The following DIAPH2 variants were observed in gnomAD, a reference collection of about 807,000 sequenced individuals.
DIAPH2 encodes diaphanous related formin 2.
DIAPH2 carries 35 observed loss-of-function variants against 92.7 expected under a neutral mutation model. The ratio of observed to expected loss-of-function variants is 0.38; its 90% CI spans 0.29 to 0.50. The LOEUF (loss-of-function observed/expected upper bound fraction) is 0.50, where lower values mean the gene tolerates loss of function less well. Ranked by LOEUF, DIAPH2 falls within the 20% of genes least tolerant of loss-of-function variation. The probability of loss-of-function intolerance (pLI) is 0.94; values close to 1 mark genes in which losing one functional copy is unlikely to be tolerated. For missense variants in DIAPH2, 701 were observed against 819.5 expected, an observed-to-expected ratio of 0.86 and a Z score of 1.77; for synonymous variants, 301 against 280.4, an observed-to-expected ratio of 1.07 and a Z score of -0.73.
chrX:97,276,442 A>G (rs1334050596), intron 23 of DIAPH2, among the ~76,000 whole-genome samples: 1 of 112,148 alleles, frequency 8.9e-6, no homozygotes, highest in Non-Finnish European at 1.9e-5. Flanking sequence ...CCTTACATAA[A>G]TAAGGAAGAC....
At chrX:97,388,070 G>A (rs1319565136) in intron 25 of DIAPH2, among the ~76,000 whole-genome samples, 2 of 111,401 alleles carry the variant, frequency 1.8e-5, no homozygotes, top group Non-Finnish European at 3.8e-5. Flanking sequence ...GCTGCCATAA[G>A]AAAATGCCAC....
At chrX:96,897,739 T>A (rs1020396896) in intron 5 of DIAPH2, among the ~76,000 whole-genome samples, 1 of 107,489 alleles carries the variant, frequency 9.3e-6, no homozygotes, top group Non-Finnish European at 1.9e-5. Flanking sequence ...TTTATTATTA[T>A]TATACTTTAA....
At chrX:97,227,193 T>G (rs2067972046) in intron 22 of DIAPH2, among the ~76,000 whole-genome samples, 1 of 110,844 alleles carries the variant, frequency 9.0e-6, no homozygotes, top group Non-Finnish European at 1.9e-5. Context: ...GAGAATTGCT[T>G]GAGCCGGGAG....
At chrX:97,073,696 A>C (rs956897287) in intron 18 of DIAPH2, among the ~76,000 whole-genome samples, 2 of 112,333 alleles carry the variant, frequency 1.8e-5, no homozygotes, top group African/African-American at 6.5e-5. Context: ...AACACTATGC[A>C]TCAGAGATTT....
intron 26 of DIAPH2, among the ~76,000 whole-genome samples, chrX:97,589,027 A>ATATATATATATATATATATATATAT (rs748240865): frequency 7.1e-5 from 6 of 85,105 alleles, no homozygotes; most frequent in Non-Finnish European, 9.3e-5. Flanking sequence ...ATATATATAT[A>ATATATATATATATATATATATATAT]AAAGAATCAG....
chrX:97,538,713 G>GT (rs1239274795), intron 26 of DIAPH2, among the ~76,000 whole-genome samples: 1 of 112,251 alleles, frequency 8.9e-6, no homozygotes, highest in Admixed American at 9.5e-5. Flanking sequence ...TTAATCAAGT[G>GT]TATCTGCTGC....
At chrX:97,529,416 C>A (rs2071045541) in intron 26 of DIAPH2, among the ~76,000 whole-genome samples, 1 of 111,892 alleles carries the variant, frequency 8.9e-6, no homozygotes, top group Non-Finnish European at 1.9e-5. Context: ...GCTGATGAAC[C>A]AACAATTATT....
chrX:97,072,880 G>A (rs1479758947), intron 17 of DIAPH2, 61 bp from the exon 18 acceptor site: 5 of 718,919 alleles, frequency 7.0e-6, no homozygotes, highest in Non-Finnish European at 1.0e-5. Context: ...CCTTACTAAT[G>A]TTATTCCGTG....
intron 4 of DIAPH2, among the ~76,000 whole-genome samples, chrX:96,773,757 C>T (rs1251104908): frequency 9.0e-6 from 1 of 110,955 alleles, no homozygotes; most frequent in African/African-American, 3.3e-5. Context: ...GGCTGGGGCA[C>T]GAGAATCACT....
rs766596381 is a variant in DIAPH2 at position 97,210,808 on chromosome X, C to T, written c.2720-36907C>T. On this transcript the variant is annotated intron_variant, in intron 22 of 26. Transcript: ENST00000324765. ...GCAATCTAGAGCTTCTGTAGATACC[C>T]GCTTCATTAAGCATGATCCCAAAAT... Among the ~76,000 whole-genome samples, 5 of 111,669 alleles carry T rather than the reference C, an allele frequency of 4.5e-5. No individual in the cohort carries two copies. The East Asian group carries it at 8.4e-4, about 19-fold the overall frequency.
intron 26 of DIAPH2, among the ~76,000 whole-genome samples, chrX:97,591,125 A>G (rs2071513872): frequency 8.9e-6 from 1 of 111,939 alleles, no homozygotes; most frequent in Admixed American, 9.5e-5. Context: ...CGAGAACTAG[A>G]ATTCCCTTTT....
At chrX:96,772,746 A>G (rs1218930551) in intron 4 of DIAPH2, among the ~76,000 whole-genome samples, 1 of 112,601 alleles carries the variant, frequency 8.9e-6, no homozygotes, top group Non-Finnish European at 1.9e-5. Flanking sequence ...CAAAGATATT[A>G]AAAGCATTTG....
chrX:97,314,028 C>A (rs2068819597), intron 23 of DIAPH2, among the ~76,000 whole-genome samples: 1 of 110,896 alleles, frequency 9.0e-6, no homozygotes, highest in Non-Finnish European at 1.9e-5. Flanking sequence ...ATCTCACTTA[C>A]TTTGAATGGC....
chrX:97,175,349 G>T (rs537182285), intron 22 of DIAPH2, among the ~76,000 whole-genome samples: 39 of 111,552 alleles, frequency 3.5e-4, no homozygotes, highest in African/African-American at 1.2e-3. Flanking sequence ...ACGATAGGTG[G>T]TGCCATAGTT....
At chrX:97,306,468 T>A (rs2068748013) in intron 23 of DIAPH2, among the ~76,000 whole-genome samples, 1 of 111,655 alleles carries the variant, frequency 9.0e-6, no homozygotes, top group Non-Finnish European at 1.9e-5. Context: ...AGACCTATCA[T>A]TACCATTCAG....
intron 4 of DIAPH2, among the ~76,000 whole-genome samples, chrX:96,849,349 A>G (rs920997639): frequency 2.7e-5 from 3 of 111,126 alleles, no homozygotes; most frequent in Non-Finnish European, 3.8e-5. Flanking sequence ...TATTTTTAGT[A>G]GAGATGGGGT....
chrX:97,166,102 T>TA (rs964734546), intron 22 of DIAPH2, among the ~76,000 whole-genome samples: 12 of 111,179 alleles, frequency 1.1e-4, no homozygotes, highest in East Asian at 2.8e-4. Flanking sequence ...GTTTTTTTCT[T>TA]AAAAAAAATA....
chrX:97,518,070 T>A (rs1030091715), intron 26 of DIAPH2, among the ~76,000 whole-genome samples: 3 of 112,128 alleles, frequency 2.7e-5, no homozygotes, highest in African/African-American at 9.7e-5. Flanking sequence ...GGGAATGCAA[T>A]CTTGTATGGC....
chrX:97,481,954 C>G (rs1018102851), intron 26 of DIAPH2, among the ~76,000 whole-genome samples: 4 of 111,976 alleles, frequency 3.6e-5, no homozygotes. Context: ...ATAATTTATT[C>G]TCTTGCCTGC....
Sources: allele counts gnomAD v4.1 joint callset (sites outside exome capture counted in the v4.1 genomes callset), GRCh38; gene constraint gnomAD v4.1.1; transcripts MANE v1.5; gene names NCBI Gene and HGNC (gene_info 2026-07-23, HGNC 2026-07-21).